TULP4: variants seen among roughly 807,000 people sequenced by gnomAD.
TULP4 encodes tubby-related protein 4.
A neutral mutation model predicts 129.0 loss-of-function variants in TULP4; 16 were observed. The observed-to-expected ratio is 0.12, with a 90% CI of 0.08 to 0.19. The LOEUF (loss-of-function observed/expected upper bound fraction) is 0.19, where lower values mean the gene tolerates loss of function less well. TULP4 is among the 10% of genes least tolerant of loss of function. The pLI, the probability that TULP4 is intolerant of heterozygous loss-of-function variation, is 1.00. For synonymous variants in TULP4, 998 were observed against 854.0 expected (o/e 1.17, Z -2.94); for missense variants, 1,842 against 2,059.1 (o/e 0.89, Z 2.04).
intron 1 of TULP4, among the ~76,000 whole-genome samples, chr6:158,372,741 A>C (rs1412572387): frequency 6.6e-6 from 1 of 152,154 alleles, no homozygotes; most frequent in Non-Finnish European, 1.5e-5. Context: ...TCTTCCCCTC[A>C]GGACTTTCAT....
intron 1 of TULP4, among the ~76,000 whole-genome samples, chr6:158,252,326 T>C (rs1171018435): frequency 1.3e-5 from 2 of 151,680 alleles, no homozygotes; most frequent in Non-Finnish European, 2.9e-5. Context: ...TTTTTTCTTT[T>C]TTTTTTTTTC....
chr6:158,480,982 G>C, intron 7 of TULP4, 73 bp from the exon 8 acceptor site: 1 of 1,392,512 alleles, frequency 7.2e-7, no homozygotes. Flanking sequence ...ACCTGCCCCC[G>C]TGCCCACTCT....
rs550509610 is a variant in TULP4 at position 158,365,546 on chromosome 6, A to G, written c.253-47519A>G. ...GGCTGGAGTGCAGTGGTGCGATCTC[A>G]GCTCACTGCAAGCTCCGCCTCGCAG... On this transcript the variant is annotated intron_variant, in intron 1 of 13. Coordinates refer to ENST00000367097, the MANE Select transcript of TULP4 (RefSeq NM_020245.5). Among the ~76,000 whole-genome samples, 46 of 144,866 alleles carry G rather than the reference A, an allele frequency of 3.2e-4. No homozygotes were observed. The South Asian group carries it at 6.7e-3, about 21-fold the overall frequency.
At chr6:158,448,181 T>C (rs952032443) in intron 3 of TULP4, among the ~76,000 whole-genome samples, 1 of 152,210 alleles carries the variant, frequency 6.6e-6, no homozygotes, top group Non-Finnish European at 1.5e-5. Context: ...GCTCTGGCCA[T>C]GTACCTGTCT....
chr6:158,493,585 G>T lies in TULP4; in HGVS notation c.1644G>T (p.Glu548Asp). ...KSPKLPRISI[E>D]ARKSPKLPRA... ...CTTGCCTCCCCAGGATCAGCATTGAGGCCCGCAAGTCACCCAAGCTGCCCC... is the reference window on the plus strand; with the variant it reads ...CTTGCCTCCCCAGGATCAGCATTGATGCCCGCAAGTCACCCAAGCTGCCCC... The change falls in exon 10 of 14, where the codon GAG (glutamate) becomes GAT (aspartate). Residue 548 changes from glutamate (E) to aspartate (D), a missense_variant. Physicochemically the swap from Glu to Asp is conservative, Grantham distance 45. This residue lies in a region of TULP4 where 456 missense variants were observed against 534.3 expected (regional missense o/e 0.85). Transcript: ENST00000367097. This position sits in a 1 kb window ranked among gnomAD's most constrained non-coding sequence, Gnocchi z 4.4. The T allele has an allele frequency of 6.5e-7, 1 of 1,542,838 alleles. No individual in the cohort carries two copies.
intron 4 of TULP4, among the ~76,000 whole-genome samples, chr6:158,450,919 G>A (rs974616384): frequency 6.6e-6 from 1 of 151,982 alleles, no homozygotes; most frequent in Admixed American, 6.6e-5. Context: ...AAAAAAATTA[G>A]CCAAGCATGG....
intron 1 of TULP4, among the ~76,000 whole-genome samples, chr6:158,326,009 G>A (rs931766822): frequency 1.3e-5 from 2 of 151,212 alleles, no homozygotes; most frequent in African/African-American, 4.9e-5. Context: ...GTTAGGCTGA[G>A]ATTTAGCACT....
chr6:158,455,443 C>G (rs948341151), intron 5 of TULP4, among the ~76,000 whole-genome samples: 2 of 151,868 alleles, frequency 1.3e-5, no homozygotes, highest in Non-Finnish European at 2.9e-5. Context: ...CAGTTATTTA[C>G]AGGATGCTTT....
chr6:158,501,569 G>T, intron 12 of TULP4, 109 bp from the exon 13 acceptor site: 1 of 1,137,428 alleles, frequency 8.8e-7, no homozygotes. Context: ...CTGGCAATTT[G>T]CATTTTGTTT....
chr6:158,293,657 A>G (rs1778980763), intron 1 of TULP4, among the ~76,000 whole-genome samples: 1 of 152,214 alleles, frequency 6.6e-6, no homozygotes, highest in African/African-American at 2.4e-5. Flanking sequence ...TATAGACTCC[A>G]CCTCTGTAAG....
chr6:158,484,090 T>A (rs1248437222), intron 8 of TULP4, among the ~76,000 whole-genome samples: 1 of 151,878 alleles, frequency 6.6e-6, no homozygotes, highest in Non-Finnish European at 1.5e-5. Context: ...GCTAATTTTT[T>A]AATTTTTTTT....
rs573624416 is a variant in TULP4 at position 158,384,740 on chromosome 6, T to C, written c.253-28325T>C. 2.0e-5 allele frequency among the ~76,000 whole-genome samples: 3 copies of C among 152,294 alleles called. No homozygotes were observed. The South Asian group carries it at 6.2e-4, about 32-fold the overall frequency. ...CAACTAGGCATGAGGAGTGACTCCG[T>C]GTTAGTCAGAGGCCTCAGACCTGAA... On this transcript the variant is annotated intron_variant, in intron 1 of 13. Coordinates refer to ENST00000367097, the MANE Select transcript of TULP4 (RefSeq NM_020245.5).
chr6:158,481,501 A>G (rs2128250878), intron 8 of TULP4: 1 of 604,014 alleles, frequency 1.7e-6, no homozygotes. Context: ...ATCATATTCC[A>G]TGGGCAGTGG....
At chr6:158,247,537 T>C (rs544655458) in intron 1 of TULP4, among the ~76,000 whole-genome samples, 1 of 152,362 alleles carries the variant, frequency 6.6e-6, no homozygotes, top group Non-Finnish European at 1.5e-5. Flanking sequence ...TGGATGTTTC[T>C]TTTATTAGTT....
chr6:158,277,111 T>C (rs903586422), intron 1 of TULP4, among the ~76,000 whole-genome samples: 30 of 152,146 alleles, frequency 2.0e-4, no homozygotes, highest in Admixed American at 7.9e-4. Flanking sequence ...GGCTAATTTT[T>C]TGTATTTTTA....
chr6:158,314,528 C>T (rs943437607), intron 1 of TULP4, among the ~76,000 whole-genome samples: 9 of 152,188 alleles, frequency 5.9e-5, no homozygotes, highest in Admixed American at 5.2e-4. Flanking sequence ...CTTAGAGGGT[C>T]CGGGCAGTGG....
intron 1 of TULP4, among the ~76,000 whole-genome samples, chr6:158,322,336 CTTTCTG>C (rs900914098): frequency 6.6e-6 from 1 of 151,818 alleles, no homozygotes; most frequent in South Asian, 2.1e-4. Flanking sequence ...TTCTTTTTTC[CTTTCTG>C]TTTCTGTTTT....
intron 5 of TULP4, among the ~76,000 whole-genome samples, chr6:158,455,811 G>T (rs899860769): frequency 1.3e-5 from 2 of 152,032 alleles, no homozygotes; most frequent in Admixed American, 6.6e-5. Flanking sequence ...AGATTAAATC[G>T]AAATGAGCTG....
intron 1 of TULP4, among the ~76,000 whole-genome samples, chr6:158,335,201 C>T (rs1480948078): frequency 4.0e-5 from 6 of 151,086 alleles, no homozygotes; most frequent in Admixed American, 1.3e-4. Flanking sequence ...CACTTGAACC[C>T]GGGAGGCAGA....
Sources: gnomAD v4.1 joint callset for allele counts (sites outside exome capture counted in the v4.1 genomes callset) on GRCh38, gnomAD v4.1.1 for gene constraint, gnomAD v4.1.1 regional missense constraint, Gnocchi (gnomAD v3.1) non-coding constraint, MANE v1.5 for transcripts, NCBI Gene and HGNC (gene_info 2026-07-23, HGNC 2026-07-21) for gene names.